The following C9 variants were observed in gnomAD, a reference collection of about 807,000 sequenced individuals.
C9 encodes complement component C9.
A neutral mutation model predicts 65.4 loss-of-function variants in C9; 63 were observed. The observed-to-expected ratio is 0.96, with a 90% confidence interval of 0.79 to 1.19. C9 has a LOEUF of 1.19. Ranked by LOEUF, C9 falls within the 50% of genes most tolerant of loss-of-function variation. The pLI is 0.00. For synonymous variants in C9, 229 were observed against 227.9 expected, an observed-to-expected ratio of 1.00 and a Z score of -0.04; for missense variants, 744 against 670.1, an observed-to-expected ratio of 1.11 and a Z score of -1.22.
intron 9 of C9, among the ~76,000 whole-genome samples, chr5:39,301,186 C>T (rs1325047940): frequency 6.6e-6 from 1 of 152,094 alleles, no homozygotes. Context: ...CAGAACATTA[C>T]TTCTGTAGTA....
At chr5:39,305,570 T>C (rs1211286518) in intron 9 of C9, among the ~76,000 whole-genome samples, 1 of 151,806 alleles carries the variant, frequency 6.6e-6, no homozygotes, top group African/African-American at 2.4e-5. Context: ...GTTATAAAGG[T>C]AAGTAGAAAA....
intron 10 of C9, among the ~76,000 whole-genome samples, chr5:39,285,891 G>A (rs1000257459): frequency 1.3e-5 from 2 of 151,818 alleles, no homozygotes; most frequent in African/African-American, 4.8e-5. Flanking sequence ...GATGTGTTAC[G>A]GTTTTCAATC....
intron 1 of C9, among the ~76,000 whole-genome samples, chr5:39,352,968 G>A (rs1754349678): frequency 6.6e-6 from 1 of 152,056 alleles, no homozygotes; most frequent in Non-Finnish European, 1.5e-5. Context: ...ATGTGATTAT[G>A]GGGAGATCAT....
chr5:39,335,329 A>G (rs1753942738), intron 4 of C9, among the ~76,000 whole-genome samples: 1 of 152,220 alleles, frequency 6.6e-6, no homozygotes, highest in African/African-American at 2.4e-5. Context: ...CTCTGCTTCC[A>G]TGCAAATTGT....
chr5:39,347,289 A>C (rs1282722993), intron 1 of C9, among the ~76,000 whole-genome samples: 1 of 152,220 alleles, frequency 6.6e-6, no homozygotes, highest in Non-Finnish European at 1.5e-5. Flanking sequence ...TCTCAGCCCC[A>C]AATCTCCTTA....
Position 39,315,909 on chromosome 5 carries a change from TG to T in C9, c.735del (p.Thr246LeufsTer52). On this transcript the variant is annotated frameshift_variant, in exon 6 of 11. Transcript: ENST00000263408. LOFTEE classifies it high-confidence loss of function. ...CATTGTTCAGCTTTATTTGTTTCAG[TG>T]GGTGTAAATTTTAGAGATATAGCTG... is the stretch of plus-strand genomic sequence containing the variant. ...FNAAISLKFT[P>X]TETNKAEQCC... 1 of 1,613,048 alleles carries T rather than the reference TG, an allele frequency of 6.2e-7. No individual in the cohort carries two copies. Among genetic ancestry groups the T allele is most frequent in the Non-Finnish European group, 8.5e-7 (1 of 1,179,178 alleles).
chr5:39,306,498 G>A, intron 9 of C9, 119 bp downstream of exon 9: 2 of 819,400 alleles, frequency 2.4e-6, no homozygotes, highest in Non-Finnish European at 2.0e-6. Context: ...GGGAAGAAAT[G>A]GGAGTGTATC....
intron 10 of C9, 27 bp from the exon 11 acceptor site, chr5:39,285,260 C>T: frequency 6.3e-7 from 1 of 1,595,806 alleles, no homozygotes; most frequent in Non-Finnish European, 8.6e-7. Flanking sequence ...AGTATCAAAT[C>T]TTAATCATCA....
In C9 at chr5:39,288,850, A is replaced by G. The variant is rs1305232962; in HGVS notation, c.1518T>C (p.Ser506=). The change falls in exon 10 of 11, where the codon AGT becomes AGC. Residue 506 remains serine (S), a synonymous_variant. Transcript: ENST00000263408. ...TTTGGCATGTGTGGCATTTTCTTAC[A>G]CTAAATTCATTGATATAGTCTTCAA... ...RAIEDYINEF[S]VRKCHTCQNG... 3.1e-6 allele frequency: 5 copies of G among 1,610,910 alleles called. No homozygotes were observed. Among genetic ancestry groups the G allele is most frequent in the Non-Finnish European group, 4.2e-6 (5 of 1,177,654 alleles).
Position 39,285,234 on chromosome 5 carries a change from C to T in C9, c.1646-1G>A, listed in dbSNP as rs773994692. On this transcript the variant is annotated splice_acceptor_variant, in intron 10 of 10. Transcript: ENST00000263408. LOFTEE classifies it high-confidence loss of function. ...TTGGGGAACTCTAGGGCTGGCAATCCTAGAGAAAACAAATAAGTATCAAAT... is the reference window on the plus strand; with the variant it reads ...TTGGGGAACTCTAGGGCTGGCAATCTTAGAGAAAACAAATAAGTATCAAAT... 1 of 1,611,818 alleles carries T rather than the reference C, an allele frequency of 6.2e-7. No individual in the cohort carries two copies. The highest frequency in any genetic ancestry group is 8.5e-7 in the Non-Finnish European group (1 of 1,178,110).
intron 5 of C9, 57 bp downstream of exon 5, chr5:39,331,619 T>C: frequency 6.7e-7 from 1 of 1,501,990 alleles, no homozygotes; most frequent in South Asian, 1.1e-5. Context: ...ACTAAACTTA[T>C]TTAAGCAATT....
Position 39,306,772 on chromosome 5 carries a change from G to A in C9, c.1261C>T (p.Leu421Phe). The A allele has an allele frequency of 6.2e-7, 1 of 1,611,396 alleles. No homozygotes were observed. The highest frequency in any genetic ancestry group is 8.5e-7 in the Non-Finnish European group (1 of 1,177,766). The change falls in exon 9 of 11, where the codon CTC (leucine) becomes TTC (phenylalanine). Residue 421 changes from leucine to phenylalanine, a missense_variant. Transcript: ENST00000263408. ...GRAVNITSENLIDDVVSLIRG... is the reference protein window; with the variant it reads ...GRAVNITSENFIDDVVSLIRG... ...ATGAGTGAAACAACATCATCTATGAGGTTTTCACTGGTGATGTTTACTGAG... is the reference window on the plus strand; with the variant it reads ...ATGAGTGAAACAACATCATCTATGAAGTTTTCACTGGTGATGTTTACTGAG...
rs1306862018 is a variant in C9, at chr5:39,315,824, T to A, written c.821A>T (p.Tyr274Phe). Residue 274 changes from tyrosine to phenylalanine, a missense_variant, in exon 6 of 11, where the codon TAT becomes TTT. Coordinates refer to ENST00000263408, the MANE Select transcript of C9 (RefSeq NM_001737.5). ...TAGTTGGTAAGTTTCATTTTTGGAATATGAAAACCGAAAACTACCCTTGCC... is the reference window on the plus strand; with the variant it reads ...TAGTTGGTAAGTTTCATTTTTGGAAAATGAAAACCGAAAACTACCCTTGCC... ...LHGKGSFRFSYSKNETYQLFL... is the reference protein window; with the variant it reads ...LHGKGSFRFSFSKNETYQLFL... The A allele has an allele frequency of 1.9e-6, 3 of 1,608,734 alleles. No individual in the cohort carries two copies. The highest frequency in any genetic ancestry group is 2.6e-6 in the Non-Finnish European group (3 of 1,175,278).
chr5:39,348,521 A>G (rs1401016562), intron 1 of C9, among the ~76,000 whole-genome samples: 1 of 152,188 alleles, frequency 6.6e-6, no homozygotes, highest in Non-Finnish European at 1.5e-5. Context: ...TCAGGAAACA[A>G]CTGGTGCTGG....
chr5:39,311,176 G>A lies in C9; in HGVS notation c.1072C>T (p.Leu358=). The A allele has an allele frequency of 1.2e-6, 2 of 1,613,166 alleles. No individual in the cohort carries two copies. Among genetic ancestry groups the A allele is most frequent in the Non-Finnish European group, 1.7e-6 (2 of 1,179,194 alleles). ...SSGSLGGLYE[L]IYVLDKASMK... ...GAAGCTTTATCCAAAACATATATTA[G>A]TTCATAGAGTCCTCCTAGAGACCCA... The change falls in exon 7 of 11, where the codon CTA becomes TTA. Residue 358 remains leucine (L), a synonymous_variant. Coordinates refer to ENST00000263408, the MANE Select transcript of C9 (RefSeq NM_001737.5).
Position 39,316,051 on chromosome 5 carries a change from T to C in C9, c.616-22A>G, listed in dbSNP as rs778884265. On this transcript the variant is annotated intron_variant, in intron 5 of 10. Coordinates refer to ENST00000263408, the MANE Select transcript of C9 (RefSeq NM_001737.5). ...TGGTCTAAAAGAGAATAAAAAAGTGTTGTTAAAAACAAGATACGAAACAAA... is the reference window on the plus strand; with the variant it reads ...TGGTCTAAAAGAGAATAAAAAAGTGCTGTTAAAAACAAGATACGAAACAAA... 8 of 1,599,278 alleles carry C rather than the reference T, an allele frequency of 5.0e-6. No individual in the cohort carries two copies. The East Asian group carries it at 1.6e-4, about 31-fold the overall frequency.
At position 39,315,775 on chromosome 5, in the gene C9, C is replaced by G; in HGVS notation, c.870G>C (p.Lys290Asn). Residue 290 changes from lysine to asparagine, a missense_variant and splice_region_variant, in exon 6 of 11, where the codon AAG (lysine) becomes AAC (asparagine). Coordinates refer to ENST00000263408, the MANE Select transcript of C9 (RefSeq NM_001737.5). The stretch of plus-strand genomic sequence containing the variant: ...TCCTATATTAACTGTTTTGTCTTAC[C>G]TTCTTTGAAGAATATGACAAAAATA... ...YQLFLSYSSK[K>N]EKMFLHVKGE... 3 of 1,593,472 alleles carry G rather than the reference C, an allele frequency of 1.9e-6. No individual in the cohort carries two copies. Among genetic ancestry groups the G allele is most frequent in the Non-Finnish European group, 2.6e-6 (3 of 1,162,434 alleles).
rs199523277 is a variant in C9, at chr5:39,293,008, GT to G, written c.1417-4058del. 6.2e-3 allele frequency among the ~76,000 whole-genome samples: 943 copies of G among 151,968 alleles called. 7 individuals are homozygous for G. The highest frequency in any genetic ancestry group is 0.022 in the African/African-American group (911 of 41,488). ...TGAATAAACAAGATTTAACTGAAAT[GT>G]TAAAGGGAGAGTGCTGGAGTTCAGG... On this transcript the variant is annotated intron_variant, in intron 9 of 10. Transcript: ENST00000263408.
At chr5:39,325,823 C>T (rs1753740351) in intron 5 of C9, among the ~76,000 whole-genome samples, 1 of 151,130 alleles carries the variant, frequency 6.6e-6, no homozygotes, top group Admixed American at 6.6e-5. Context: ...TAATTAACAC[C>T]TAGATCTCTT....
Sources: allele counts gnomAD v4.1 joint callset (sites outside exome capture counted in the v4.1 genomes callset), GRCh38; gene constraint gnomAD v4.1.1; transcripts MANE v1.5; gene names NCBI Gene and HGNC (gene_info 2026-07-23, HGNC 2026-07-21).